Variants in FREM1 observed in about 807,000 individuals in gnomAD.
The protein encoded by FREM1 is FRAS1-related extracellular matrix protein 1.
In FREM1, 220 loss-of-function variants were observed where a neutral mutation model predicts 210.1. That is an observed-to-expected ratio of 1.05 (90% CI 0.94 to 1.17). The LOEUF is 1.17. Ranked by LOEUF, FREM1 falls within the 50% of genes most tolerant of loss-of-function variation. The pLI is 0.00. For missense variants in FREM1, 3,454 were observed against 2,675.5 expected (o/e 1.29, Z -6.42); for synonymous variants, 1,189 against 980.2 (o/e 1.21, Z -3.98).
In FREM1 at chr9:14,746,472, A is replaced by T. The variant is rs77135480; in HGVS notation, c.6139-4T>A. 1.4e-3 allele frequency: 2,174 copies of T among 1,606,208 alleles called. 29 individuals carry two copies. In the African/African-American group the frequency reaches 0.026, roughly 19 times the overall value. On this transcript the variant is annotated splice_region_variant and splice_polypyrimidine_tract_variant and intron_variant, in intron 34 of 36. Coordinates refer to ENST00000380880, the MANE Select transcript of FREM1 (RefSeq NM_001379081.2). ...GACAGGATTTGTCTTCCACATCCTG[A>T]AAAACAGTTGTCTGTGTTCATATCA...
rs200837238 is a variant in FREM1 at position 14,823,143 on chromosome 9, T to C, written c.2337+17A>G. The C allele has an allele frequency of 2.8e-4, 456 of 1,603,480 alleles. 3 individuals are homozygous for C. Among genetic ancestry groups the C allele is most frequent in the South Asian group, 4.0e-4 (36 of 90,638 alleles). On this transcript the variant is annotated intron_variant, in intron 13 of 36. Coordinates refer to ENST00000380880, the MANE Select transcript of FREM1 (RefSeq NM_001379081.2). ...CTTTTCCTCCTTTTCATCCTCTATA[T>C]AGAACATTGTACATACCTCAGGAAC...
intron 1 of FREM1, among the ~76,000 whole-genome samples, chr9:14,882,376 T>C (rs1225703951): frequency 6.6e-6 from 1 of 152,108 alleles, no homozygotes; most frequent in East Asian, 1.9e-4. Context: ...TATGGCTCCC[T>C]GCACCACAAT....
intron 27 of FREM1, among the ~76,000 whole-genome samples, chr9:14,762,604 T>C (rs1261540562): frequency 6.6e-6 from 1 of 152,164 alleles, no homozygotes; most frequent in African/African-American, 2.4e-5. Context: ...CAATGCTCTA[T>C]TTTATTTTCT....
chr9:14,803,224 CTCTT>C (rs1313706286), intron 19 of FREM1, among the ~76,000 whole-genome samples: 9 of 99,538 alleles, frequency 9.0e-5, no homozygotes, highest in East Asian at 8.9e-4. Context: ...TCTTTTCTTT[CTCTT>C]TCTTTCTCTC....
intron 16 of FREM1, among the ~76,000 whole-genome samples, chr9:14,811,312 C>G (rs771991633): frequency 2.6e-5 from 4 of 152,108 alleles, no homozygotes; most frequent in Non-Finnish European, 5.9e-5. Flanking sequence ...AATTTGTATA[C>G]CTGTTGTTTA....
chr9:14,868,962 A>G lies in FREM1; in HGVS notation c.16T>C (p.Trp6Arg), dbSNP rs1254858428. 2 of 1,582,638 alleles carry G rather than the reference A, an allele frequency of 1.3e-6. No individual in the cohort carries two copies. Among genetic ancestry groups the G allele is most frequent in the East Asian group, 2.3e-5 (1 of 43,804 alleles). The change falls in exon 2 of 37, where the codon TGG (tryptophan) becomes CGG (arginine). Residue 6 changes from tryptophan (W) to arginine (R), a missense_variant. By Grantham distance (101) the Trp-to-Arg change is moderately radical. Coordinates refer to ENST00000380880, the MANE Select transcript of FREM1 (RefSeq NM_001379081.2). MNSLS[W>R]GAANAVLLLL... ...AGCAGCACGGCATTCGCAGCCCCCC[A>G]ACTCAGAGAGTTCATGCTGACAGGG...
chr9:14,784,572 T>C lies in FREM1; in HGVS notation c.4240A>G (p.Thr1414Ala). 1 of 1,611,736 alleles carries C rather than the reference T, an allele frequency of 6.2e-7. No homozygotes were observed. The highest frequency in any genetic ancestry group is 8.5e-7 in the Non-Finnish European group (1 of 1,178,882). ...CCGTCCACAGCCAGGAGCGTGGTGGTTGTTAAGAAACCTCTATCACCTTTA... is the reference window on the plus strand; with the variant it reads ...CCGTCCACAGCCAGGAGCGTGGTGGCTGTTAAGAAACCTCTATCACCTTTA... ...VSKGDRGFLT[T>A]TTLLAVDGTD... is the part of the protein sequence containing the mutation. The change falls in exon 24 of 37, where the codon ACC (threonine) becomes GCC (alanine). Residue 1414 changes from threonine (T) to alanine (A), a missense_variant. By Grantham distance (58) the Thr-to-Ala change is moderately conservative (BLOSUM62 0). Coordinates refer to ENST00000380880, the MANE Select transcript of FREM1 (RefSeq NM_001379081.2).
intron 5 of FREM1, among the ~76,000 whole-genome samples, chr9:14,852,948 T>G (rs1028471789): frequency 2.0e-5 from 3 of 152,184 alleles, no homozygotes; most frequent in Admixed American, 6.5e-5. Flanking sequence ...TGGAACTAAT[T>G]CCAGACTCCA....
intron 12 of FREM1, 39 bp from the exon 13 acceptor site, chr9:14,823,366 T>A (rs1253338898): frequency 3.8e-6 from 6 of 1,581,066 alleles, no homozygotes; most frequent in Non-Finnish European, 5.2e-6. Flanking sequence ...GGTGCTGACT[T>A]GCAAGGATCA....
chr9:14,770,928 T>C lies in FREM1; in HGVS notation c.4858-122A>G, dbSNP rs540381914. The C allele has an allele frequency of 3.4e-4, 229 of 666,452 alleles. 2 individuals are homozygous for C. The South Asian group carries it at 4.2e-3, about 12-fold the overall frequency. 41.3% of individuals were successfully genotyped at this position (666,452 alleles called of 1,614,324 possible). A position where few individuals can be genotyped will look rare whatever the true frequency, so the allele number is the denominator to read the frequency against. On this transcript the variant is annotated intron_variant, in intron 25 of 36. Coordinates refer to ENST00000380880, the MANE Select transcript of FREM1 (RefSeq NM_001379081.2). The stretch of plus-strand genomic sequence containing the variant: ...GTTTTGGATTCCTTATACTCCTCAC[T>C]AGTGGATTCCTGCTAAAGACAGTCC...
At chr9:14,765,465 A>G (rs555186388) in intron 27 of FREM1, among the ~76,000 whole-genome samples, 114 of 152,348 alleles carry the variant, frequency 7.5e-4, no homozygotes, top group Non-Finnish European at 1.4e-3. Flanking sequence ...AATGATTAAA[A>G]TTAAAATTAG....
At chr9:14,843,241 T>C (rs563597810) in intron 8 of FREM1, among the ~76,000 whole-genome samples, 1 of 152,144 alleles carries the variant, frequency 6.6e-6, no homozygotes, top group Non-Finnish European at 1.5e-5. Context: ...AAACCAGCCA[T>C]CCTCTAACAC....
At chr9:14,898,160 C>T (rs1838078296) in intron 1 of FREM1, among the ~76,000 whole-genome samples, 1 of 152,180 alleles carries the variant, frequency 6.6e-6, no homozygotes, top group South Asian at 2.1e-4. Context: ...TATCTTGGTT[C>T]CATAATTTCT....
chr9:14,824,265 G>C, intron 11 of FREM1, 150 bp from the exon 12 acceptor site: 2 of 596,084 alleles, frequency 3.4e-6, no homozygotes, highest in Non-Finnish European at 6.0e-6. Context: ...GGAGATTCTA[G>C]CATTAAGTCC....
chr9:14,819,453 G>A lies in FREM1; in HGVS notation c.2338-11C>T, dbSNP rs1156250824. On this transcript the variant is annotated splice_polypyrimidine_tract_variant and intron_variant, in intron 13 of 36. Transcript: ENST00000380880. ...AGGGTTGGTGAACGCCTAGAAAGAA[G>A]AAAGGAAGGAAACATTCAAAGCCTT... is the stretch of plus-strand genomic sequence containing the variant. 1 of 1,571,028 alleles carries A rather than the reference G, an allele frequency of 6.4e-7. No individual in the cohort carries two copies. Among genetic ancestry groups the A allele is most frequent in the Admixed American group, 1.7e-5 (1 of 58,922 alleles).
chr9:14,772,294 A>T lies in FREM1; in HGVS notation c.4858-1488T>A, dbSNP rs910674312. ...ATTTATAATAGCAATTTACAAAAGG[A>T]ATGAAAAGTCCACCAGGGGATTTAT... On this transcript the variant is annotated intron_variant, in intron 25 of 36. Transcript: ENST00000380880. 6.6e-5 allele frequency among the ~76,000 whole-genome samples: 10 copies of T among 152,300 alleles called. No homozygotes were observed. In the East Asian group the frequency reaches 1.9e-3, roughly 29 times the overall value.
chr9:14,835,184 C>G (rs912444026), intron 10 of FREM1, among the ~76,000 whole-genome samples: 1 of 152,204 alleles, frequency 6.6e-6, no homozygotes, highest in Non-Finnish European at 1.5e-5. Context: ...TGGAATATTG[C>G]TGATCCTTGT....
chr9:14,750,089 G>C (rs1464233160), intron 30 of FREM1, 38 bp downstream of exon 30: 1 of 1,608,798 alleles, frequency 6.2e-7, no homozygotes, highest in African/African-American at 1.3e-5. Flanking sequence ...ACAGCGCCAG[G>C]ACCGCTCCTG....
At chr9:14,799,120 CTTTTTT>C (rs879280631) in intron 20 of FREM1, among the ~76,000 whole-genome samples, 5 of 151,940 alleles carry the variant, frequency 3.3e-5, no homozygotes, top group Non-Finnish European at 7.4e-5. Context: ...CTCTACAAAA[CTTTTTT>C]TTCATCAGCC....
Sources: gnomAD v4.1 joint callset for allele counts (sites outside exome capture counted in the v4.1 genomes callset) on GRCh38, gnomAD v4.1.1 for gene constraint, MANE v1.5 for transcripts, NCBI Gene and HGNC (gene_info 2026-07-23, HGNC 2026-07-21) for gene names.